RCC2: variants seen among roughly 807,000 people sequenced by gnomAD.
The protein encoded by RCC2 is protein RCC2.
A neutral mutation model predicts 64.1 loss-of-function variants in RCC2; 19 were observed. The ratio of observed to expected loss-of-function variants is 0.30; its 90% confidence interval spans 0.21 to 0.44. RCC2 has a LOEUF of 0.44. Ranked by LOEUF, RCC2 falls within the 20% of genes least tolerant of loss-of-function variation. The pLI, the probability that RCC2 is intolerant of heterozygous loss-of-function variation, is 1.00. For synonymous variants in RCC2, 325 were observed against 279.6 expected, an observed-to-expected ratio of 1.16 and a Z score of -1.62; for missense variants, 508 against 710.4, an observed-to-expected ratio of 0.72 and a Z score of 3.24.
chr1:17,411,525 G>A (rs1031012040), intron 11 of RCC2, among the ~76,000 whole-genome samples: 1 of 150,800 alleles, frequency 6.6e-6, no homozygotes, highest in African/African-American at 2.4e-5. Flanking sequence ...AGAGGGTGCA[G>A]TGAGCCAAGA....
intron 4 of RCC2, among the ~76,000 whole-genome samples, chr1:17,425,268 G>A (rs930993951): frequency 2.0e-5 from 3 of 152,110 alleles, no homozygotes; most frequent in African/African-American, 4.8e-5. Context: ...CAAGCTTCGG[G>A]CAGAAGATTC....
chr1:17,438,758 C>T (rs952369713), intron 1 of RCC2, among the ~76,000 whole-genome samples: 1 of 152,134 alleles, frequency 6.6e-6, no homozygotes, highest in Non-Finnish European at 1.5e-5. Flanking sequence ...AGGCAATCCC[C>T]TGGAGGGAGA....
At position 17,420,750 on chromosome 1, in the gene RCC2, G is replaced by C. The variant is rs1489445152; in HGVS notation, c.823C>G (p.Leu275Val). ...TATTCAGGGCACCCAAAGGAATAGA[G>C]GTTTCCTTTGCAGTCCATTATCATA... ...FSMIMDCKGN[L>V]YSFGCPEYGQ... The change falls in exon 7 of 13, where the codon CTC (leucine) becomes GTC (valine). Residue 275 changes from leucine (L) to valine (V), a missense_variant. Coordinates refer to ENST00000375436, the MANE Select transcript of RCC2 (RefSeq NM_018715.4). 1 of 1,610,742 alleles carries C rather than the reference G, an allele frequency of 6.2e-7. No individual in the cohort carries two copies. The highest frequency in any genetic ancestry group is 1.3e-5 in the African/African-American group (1 of 74,700).
intron 12 of RCC2, 109 bp from the exon 13 acceptor site, chr1:17,409,303 A>G: frequency 1.3e-6 from 1 of 746,270 alleles, no homozygotes; most frequent in Non-Finnish European, 2.4e-6. Flanking sequence ...GGAGAAAAAC[A>G]GAGTGCCCTT....
intron 5 of RCC2, among the ~76,000 whole-genome samples, 195 bp from the exon 6 acceptor site, chr1:17,422,486 CAG>C (rs1231479808): frequency 3.3e-5 from 5 of 152,310 alleles, no homozygotes; most frequent in Admixed American, 2.0e-4. Flanking sequence ...TGCAGAGAAA[CAG>C]AGGGCAGCGT....
Position 17,437,873 on chromosome 1 carries a change from G to A in RCC2, c.285+357C>T, listed in dbSNP as rs1285265869. Reference sequence around the variant, plus strand: ...TTCCAGGCCGGGCGAACTTACCGAGGTCCCCTTTCCCGGGGCGGGGGGGGA... The same window carrying A: ...TTCCAGGCCGGGCGAACTTACCGAGATCCCCTTTCCCGGGGCGGGGGGGGA... On this transcript the variant is annotated intron_variant, in intron 2 of 12. Transcript: ENST00000375436. Among the ~76,000 whole-genome samples the A allele has an allele frequency of 2.1e-5, 3 of 145,384 alleles. No individual in the cohort carries two copies. In the South Asian group the frequency reaches 6.3e-4, roughly 30 times the overall value.
intron 2 of RCC2, among the ~76,000 whole-genome samples, chr1:17,433,684 T>C (rs1047425164): frequency 1.3e-5 from 2 of 152,160 alleles, no homozygotes; most frequent in African/African-American, 4.8e-5. Context: ...CACACAGAAA[T>C]GGACAGAAAA....
At chr1:17,419,588 A>G (rs1471081643) in intron 7 of RCC2, among the ~76,000 whole-genome samples, 1 of 152,238 alleles carries the variant, frequency 6.6e-6, no homozygotes, top group Non-Finnish European at 1.5e-5. Flanking sequence ...CTGCAAGTTG[A>G]GTGTAACTGA....
chr1:17,422,993 C>T (rs1191041964), intron 4 of RCC2, among the ~76,000 whole-genome samples, 157 bp from the exon 5 acceptor site: 3 of 152,174 alleles, frequency 2.0e-5, no homozygotes, highest in Non-Finnish European at 4.4e-5. Flanking sequence ...CAAAGAACGC[C>T]CCGGCCCTCT....
rs1293589148 is a variant in RCC2, at chr1:17,438,493, C to A, written c.22G>T (p.Ala8Ser). The change falls in exon 2 of 13, where the codon GCG becomes TCG. Residue 8 changes from alanine (A) to serine (S), a missense_variant. By Grantham distance (99) the Ala-to-Ser change is moderately conservative. Around this residue, in one of 4 missense-constraint regions of RCC2, gnomAD observed 195 missense variants for 158.3 expected, o/e 1.23. Coordinates refer to ENST00000375436, the MANE Select transcript of RCC2 (RefSeq NM_018715.4). ...GAGCTCGGCTCCTCCCAGGCCGCCG[C>A]CGCCGCCTTCTTCCTGGGCATGGTC... MPRKKAA[A>S]AAWEEPSSGN... 7.4e-6 allele frequency: 10 copies of A among 1,344,306 alleles called. No individual in the cohort carries two copies. The highest frequency in any genetic ancestry group is 9.5e-6 in the Non-Finnish European group (10 of 1,050,814). The allele number at this position is 1,344,306 out of a possible 1,614,324, so 83.3% of individuals were successfully genotyped here.
chr1:17,423,062 G>A (rs1273648789), intron 4 of RCC2, among the ~76,000 whole-genome samples: 1 of 152,176 alleles, frequency 6.6e-6, no homozygotes, highest in African/African-American at 2.4e-5. Context: ...GGCAGCAGCG[G>A]GACCACCCGT....
At position 17,438,665 on chromosome 1, in the gene RCC2, C is replaced by A. The variant is rs893745827; in HGVS notation, c.-8-143G>T. ...GGCCGCAGGGTGGGCGGAGAGGGGG[C>A]GAGTTGGGAGAGGAAATCGCGCCCC... On this transcript the variant is annotated intron_variant, in intron 1 of 12. Coordinates refer to ENST00000375436, the MANE Select transcript of RCC2 (RefSeq NM_018715.4). 19 of 806,170 alleles carry A rather than the reference C, an allele frequency of 2.4e-5. No individual in the cohort carries two copies. In the African/African-American group the frequency reaches 3.4e-4, roughly 15 times the overall value. The allele number at this position is 806,170 out of a possible 1,614,324, so 49.9% of individuals were successfully genotyped here.
At chr1:17,431,311 G>GCAGT (rs1383931267) in intron 2 of RCC2, among the ~76,000 whole-genome samples, 1 of 115,408 alleles carries the variant, frequency 8.7e-6, no homozygotes, top group Non-Finnish European at 1.8e-5. Context: ...TCCAGCCTGG[G>GCAGT]CGACTGAGCA....
At chr1:17,429,340 C>G (rs528787499) in intron 2 of RCC2, 141 bp from the exon 3 acceptor site, 3 of 660,024 alleles carry the variant, frequency 4.5e-6, no homozygotes, top group Admixed American at 4.8e-5. Context: ...CGAACAGAGT[C>G]TCCCCACACT....
chr1:17,438,681 A>C, intron 1 of RCC2, 159 bp from the exon 2 acceptor site: 1 of 633,516 alleles, frequency 1.6e-6, no homozygotes, highest in Non-Finnish European at 2.2e-6. Flanking sequence ...GGGAGAGGAA[A>C]TCGCGCCCCT....
At chr1:17,413,496 G>C (rs766552252) in intron 9 of RCC2, 41 bp downstream of exon 9, 2 of 1,595,576 alleles carry the variant, frequency 1.3e-6, no homozygotes, top group South Asian at 1.1e-5. Context: ...ACACGGTTCC[G>C]CACCAGAGCA....
chr1:17,438,110 C>CCGGCCGCCGGGAGGGAGCGTGACGCGAGG (rs2075759711), intron 2 of RCC2, 120 bp downstream of exon 2: 1 of 753,656 alleles, frequency 1.3e-6, no homozygotes, highest in East Asian at 9.0e-5. Context: ...CTGCGCCGGC[C>CCGGCCGCCGGGAGGGAGCGTGACGCGAGG]CGGCCGCCGG....
intron 3 of RCC2, among the ~76,000 whole-genome samples, chr1:17,428,902 G>C (rs916103387): frequency 2.6e-5 from 4 of 152,224 alleles, no homozygotes; most frequent in African/African-American, 9.6e-5. Context: ...GAATTAGTGA[G>C]TCACTTCAAA....
At chr1:17,432,507 G>A (rs1251017925) in intron 2 of RCC2, among the ~76,000 whole-genome samples, 2 of 152,196 alleles carry the variant, frequency 1.3e-5, no homozygotes, top group African/African-American at 2.4e-5. Context: ...GGCAGGCGGA[G>A]GTTCATGGGC....
Sources: allele counts gnomAD v4.1 joint callset (sites outside exome capture counted in the v4.1 genomes callset), GRCh38; gene constraint gnomAD v4.1.1; regional missense constraint gnomAD v4.1.1; transcripts MANE v1.5; gene names NCBI Gene and HGNC (gene_info 2026-07-23, HGNC 2026-07-21).